NCOA1: variants seen among roughly 807,000 people sequenced by gnomAD.
NCOA1 encodes the protein Hin-2 protein.
A neutral mutation model predicts 150.9 loss-of-function variants in NCOA1; 35 were observed. That is an observed-to-expected ratio of 0.23 (90% CI 0.18 to 0.31). NCOA1 has a LOEUF of 0.31. NCOA1 is among the 10% of genes least tolerant of loss of function. NCOA1 has a pLI of 1.00. For synonymous variants in NCOA1, 590 were observed against 630.0 expected (o/e 0.94, Z 0.95); for missense variants, 1,491 against 1,749.3 (o/e 0.85, Z 2.63).
In NCOA1 at chr2:24,645,801, T is replaced by A. The variant is rs980384867; in HGVS notation, c.-18+1679T>A. 6.2e-4 allele frequency among the ~76,000 whole-genome samples: 94 copies of A among 152,316 alleles called. 2 individuals are homozygous for A. The highest frequency in any genetic ancestry group is 1.7e-3 in the African/African-American group (71 of 41,576). On this transcript the variant is annotated intron_variant, in intron 4 of 22. Transcript: ENST00000348332. ...ACTTGGGATGCTCAACCTGTATTAATTTATGTTTTCTGTTGTTTCCAATCA... is the reference window on the plus strand; with the variant it reads ...ACTTGGGATGCTCAACCTGTATTAAATTATGTTTTCTGTTGTTTCCAATCA...
rs371669660 is a variant in NCOA1, at chr2:24,729,518, A to G, written c.2904A>G (p.Val968=). ...TCTAACAGGGGGGTGGATTAGATGT[A>G]TTATCAGAGAGATTTCCACCACAAC... ...DKLVQGGGLD[V]LSERFPPQQA... The change falls in exon 17 of 23, where the codon GTA becomes GTG. Residue 968 remains valine, a synonymous_variant. Transcript: ENST00000348332. The G allele has an allele frequency of 1.9e-5, 30 of 1,613,848 alleles. No homozygotes were observed. The highest frequency in any genetic ancestry group is 2.4e-5 in the Non-Finnish European group (28 of 1,179,828).
intron 1 of NCOA1, among the ~76,000 whole-genome samples, chr2:24,501,520 T>G (rs1305389736): frequency 1.3e-5 from 2 of 152,200 alleles, no homozygotes; most frequent in Admixed American, 6.5e-5. Context: ...TGCTATAATA[T>G]TCTTTTTAAT....
intron 3 of NCOA1, among the ~76,000 whole-genome samples, chr2:24,588,194 T>C (rs1667497799): frequency 1.3e-5 from 2 of 152,032 alleles, no homozygotes; most frequent in South Asian, 4.1e-4. Flanking sequence ...TAGGAAACTT[T>C]CCACCTCAGC....
chr2:24,747,701 T>C (rs1664006947), intron 19 of NCOA1, among the ~76,000 whole-genome samples: 4 of 152,270 alleles, frequency 2.6e-5, no homozygotes, highest in Middle Eastern at 3.4e-3. Flanking sequence ...AGTTTTTCTT[T>C]TAAGGATCAC....
intron 2 of NCOA1, among the ~76,000 whole-genome samples, chr2:24,582,191 C>A (rs1323068102): frequency 7.2e-5 from 11 of 152,028 alleles, no homozygotes; most frequent in Non-Finnish European, 1.0e-4. Context: ...ATGACATGAT[C>A]TTATATATAG....
chr2:24,518,828 C>A (rs1445872087), intron 1 of NCOA1, among the ~76,000 whole-genome samples: 1 of 151,994 alleles, frequency 6.6e-6, no homozygotes, highest in African/African-American at 2.4e-5. Flanking sequence ...ATTAAGATAA[C>A]CTAAGCAAAT....
At chr2:24,544,677 C>G (rs1266512554) in intron 1 of NCOA1, among the ~76,000 whole-genome samples, 1 of 152,054 alleles carries the variant, frequency 6.6e-6, no homozygotes, top group African/African-American at 2.4e-5. Flanking sequence ...AAGTTGAGGC[C>G]ACAGTGAGCC....
At chr2:24,539,073 AACAACC>A (rs1665283108) in intron 1 of NCOA1, among the ~76,000 whole-genome samples, 1 of 152,144 alleles carries the variant, frequency 6.6e-6, no homozygotes, top group Admixed American at 6.5e-5. Flanking sequence ...AAATCAAGAA[AACAACC>A]ACTATTAATA....
chr2:24,659,730 A>G (rs184801416), intron 5 of NCOA1, among the ~76,000 whole-genome samples: 1 of 152,068 alleles, frequency 6.6e-6, no homozygotes, highest in African/African-American at 2.4e-5. Context: ...CACTATTGAC[A>G]TTTCGTGTCA....
intron 1 of NCOA1, among the ~76,000 whole-genome samples, chr2:24,519,652 CA>C (rs1014874055): frequency 1.3e-3 from 93 of 72,304 alleles, no homozygotes; most frequent in Middle Eastern, 7.6e-3. Flanking sequence ...CCTGTCTCTA[CA>C]AAAAAAAAAA....
At chr2:24,537,461 G>A (rs778368487) in intron 1 of NCOA1, among the ~76,000 whole-genome samples, 1 of 150,810 alleles carries the variant, frequency 6.6e-6, no homozygotes, top group African/African-American at 2.4e-5. Flanking sequence ...ATTTGTGTGT[G>A]TATATATATA....
At chr2:24,509,648 A>G (rs906432847) in intron 1 of NCOA1, among the ~76,000 whole-genome samples, 4 of 152,210 alleles carry the variant, frequency 2.6e-5, no homozygotes, top group African/African-American at 9.7e-5. Context: ...GAGATTTTAC[A>G]GGTGGTAAAT....
At chr2:24,615,388 C>T (rs1668831471) in intron 3 of NCOA1, among the ~76,000 whole-genome samples, 1 of 152,146 alleles carries the variant, frequency 6.6e-6, no homozygotes, top group Admixed American at 6.5e-5. Flanking sequence ...ATTTTTACTT[C>T]ATGGGGTTTT....
intron 3 of NCOA1, among the ~76,000 whole-genome samples, chr2:24,613,256 T>C (rs1217187637): frequency 1.3e-5 from 2 of 152,142 alleles, no homozygotes; most frequent in Non-Finnish European, 2.9e-5. Context: ...ACGGGTAAGA[T>C]CACTTAGCCA....
At chr2:24,501,330 A>G (rs1663452013) in intron 1 of NCOA1, among the ~76,000 whole-genome samples, 1 of 152,242 alleles carries the variant, frequency 6.6e-6, no homozygotes, top group African/African-American at 2.4e-5. Context: ...ATATAGAACT[A>G]GACCTTCAAG....
At chr2:24,507,890 C>T (rs892033114) in intron 1 of NCOA1, among the ~76,000 whole-genome samples, 1 of 152,206 alleles carries the variant, frequency 6.6e-6, no homozygotes, top group East Asian at 1.9e-4. Context: ...TGCCCAATTT[C>T]TTCTTTCTTT....
At chr2:24,589,207 G>A (rs1327287731) in intron 3 of NCOA1, among the ~76,000 whole-genome samples, 10 of 152,026 alleles carry the variant, frequency 6.6e-5, no homozygotes, top group Admixed American at 6.6e-4. Context: ...TGGAATTGTG[G>A]CCACCGAGGT....
chr2:24,497,383 T>A (rs1663268888), intron 1 of NCOA1, among the ~76,000 whole-genome samples: 2 of 152,132 alleles, frequency 1.3e-5, no homozygotes, highest in South Asian at 4.1e-4. Flanking sequence ...AATGTCACTT[T>A]AAGATTCTTG....
At chr2:24,541,456 T>G (rs1665390860) in intron 1 of NCOA1, among the ~76,000 whole-genome samples, 1 of 152,180 alleles carries the variant, frequency 6.6e-6, no homozygotes, top group African/African-American at 2.4e-5. Context: ...AGATCTGTTA[T>G]GTGAGAGAAA....
Sources: allele counts gnomAD v4.1 joint callset (sites outside exome capture counted in the v4.1 genomes callset), GRCh38; gene constraint gnomAD v4.1.1; transcripts MANE v1.5; gene names NCBI Gene and HGNC (gene_info 2026-07-23, HGNC 2026-07-21).